The following CELA1 variants were observed in gnomAD, a reference collection of about 807,000 sequenced individuals.
The protein encoded by CELA1 is chymotrypsin-like elastase family member 1.
In CELA1, 28 loss-of-function variants were observed where a neutral mutation model predicts 34.8. The observed-to-expected ratio is 0.80, with a 90% CI of 0.60 to 1.10. The LOEUF (loss-of-function observed/expected upper bound fraction) is 1.10. CELA1 is among the 50% of genes least tolerant of loss of function. CELA1 has a pLI of 0.00. For missense variants in CELA1, 288 were observed against 327.5 expected (o/e 0.88, Z 0.93); for synonymous variants, 140 against 129.8 (o/e 1.08, Z -0.53).
rs1275167096 is a variant in CELA1, at chr12:51,346,603, ACTGGACC to A, written c.16+13_16+19del. 6.3e-7 allele frequency: 1 copy of A among 1,589,470 alleles called. No individual in the cohort carries two copies. The highest frequency in any genetic ancestry group is 1.1e-5 in the South Asian group (1 of 90,704). On this transcript the variant is annotated intron_variant, in intron 1 of 7. Transcript: ENST00000293636. ...CTTACCATAAAGGACCAGGGTTGCG[ACTGGACC>A]ATATCCACTTACCATAAAGGACCAG... is the stretch of plus-strand genomic sequence containing the variant.
At chr12:51,341,110 G>A in intron 5 of CELA1, 134 bp downstream of exon 5, 3 of 833,412 alleles carry the variant, frequency 3.6e-6, no homozygotes, top group Non-Finnish European at 3.9e-6. Flanking sequence ...TAATGCATCA[G>A]TTATTGTATC....
At chr12:51,330,919 A>G (rs1946465457) in intron 6 of CELA1, among the ~76,000 whole-genome samples, 3 of 150,500 alleles carry the variant, frequency 2.0e-5, no homozygotes, top group South Asian at 4.2e-4. Context: ...GCAGTGAGCC[A>G]AGATGGCGCC....
chr12:51,345,049 C>G (rs1195468956), intron 2 of CELA1, among the ~76,000 whole-genome samples: 1 of 151,958 alleles, frequency 6.6e-6, no homozygotes, highest in Non-Finnish European at 1.5e-5. Flanking sequence ...TGCTTGAACC[C>G]AGGAGGCAGA....
In CELA1 at chr12:51,342,850, G is replaced by T. The variant is rs374949830; in HGVS notation, c.201-150C>A. On this transcript the variant is annotated intron_variant, in intron 3 of 7. Transcript: ENST00000293636. ...TTTAGAGATGGGGTTTTGCTGTGTT[G>T]CCCAGGCTGGCTTCAAACTCCCAGG... The T allele has an allele frequency of 8.1e-5, 68 of 834,752 alleles. No individual in the cohort carries two copies. The African/African-American group carries it at 1.2e-3, about 14-fold the overall frequency. 51.7% of individuals were successfully genotyped at this position (834,752 alleles called of 1,614,324 possible).
At chr12:51,342,753 AC>A in intron 3 of CELA1, 53 bp from the exon 4 acceptor site, 1 of 1,568,286 alleles carries the variant, frequency 6.4e-7, no homozygotes, top group Non-Finnish European at 8.6e-7. Context: ...AACCTTCTCT[AC>A]CCCACTTAGA....
intron 2 of CELA1, among the ~76,000 whole-genome samples, chr12:51,345,039 T>A (rs907395344): frequency 6.6e-6 from 1 of 151,960 alleles, no homozygotes; most frequent in Admixed American, 6.6e-5. Context: ...GCAGGAGAAC[T>A]GCTTGAACCC....
At chr12:51,341,638 A>T (rs756443640) in intron 4 of CELA1, among the ~76,000 whole-genome samples, 3 of 152,172 alleles carry the variant, frequency 2.0e-5, no homozygotes, top group Non-Finnish European at 4.4e-5. Context: ...CCCGGGAAGT[A>T]GAGAATGGGG....
chr12:51,339,549 C>T (rs528260489), intron 6 of CELA1, among the ~76,000 whole-genome samples: 2 of 151,678 alleles, frequency 1.3e-5, no homozygotes, highest in South Asian at 2.1e-4. Flanking sequence ...AAAACTCCAT[C>T]TCAAAAAAAA....
intron 1 of CELA1, 25 bp from the exon 2 acceptor site, chr12:51,345,902 G>A: frequency 6.5e-7 from 1 of 1,529,042 alleles, no homozygotes; most frequent in Non-Finnish European, 8.9e-7. Context: ...AGAAAAGTGA[G>A]TGATGACTAA....
intron 6 of CELA1, among the ~76,000 whole-genome samples, chr12:51,335,462 G>T (rs1946494992): frequency 6.6e-6 from 1 of 151,920 alleles, no homozygotes. Context: ...CACCATGCTG[G>T]CCAGGCTGGT....
intron 6 of CELA1, among the ~76,000 whole-genome samples, chr12:51,338,275 CACACACACACACAT>C (rs1397498132): frequency 5.7e-4 from 27 of 47,600 alleles, no homozygotes; most frequent in South Asian, 5.6e-3. Context: ...CACACACACA[CACACACACACACAT>C]ACACATACGC....
intron 3 of CELA1, among the ~76,000 whole-genome samples, chr12:51,343,132 G>C (rs943502187): frequency 6.6e-6 from 1 of 152,108 alleles, no homozygotes; most frequent in Non-Finnish European, 1.5e-5. Flanking sequence ...CTTGTAAACT[G>C]GGAGAGGTGT....
Position 51,340,388 on chromosome 12 carries a change from C to CTT in CELA1, c.464-385_464-384dup, listed in dbSNP as rs11315182. Among the ~76,000 whole-genome samples, 1,183 of 121,510 alleles carry CTT rather than the reference C, an allele frequency of 9.7e-3. 49 individuals are homozygous for CTT. In the East Asian group the frequency reaches 0.13, roughly 13 times the overall value. 79.7% of individuals were successfully genotyped at this position (121,510 alleles called of 152,430 possible). On this transcript the variant is annotated intron_variant, in intron 5 of 7. Coordinates refer to ENST00000293636, the MANE Select transcript of CELA1 (RefSeq NM_001971.6). Reference sequence around the variant, plus strand: ...CATGCTTGTTTCCATTTCTTTCTTTCTTTTTTTTTTTTTTTTTTGAGATGG... The same window carrying CTT: ...CATGCTTGTTTCCATTTCTTTCTTTCTTTTTTTTTTTTTTTTTTTTGAGATGG...
At position 51,341,346 on chromosome 12, in the gene CELA1, C is replaced by T. The variant is rs144017372; in HGVS notation, c.361G>A (p.Val121Ile). The T allele has an allele frequency of 2.4e-5, 38 of 1,614,054 alleles. No individual in the cohort carries two copies. Among genetic ancestry groups the T allele is most frequent in the South Asian group, 1.2e-4 (11 of 91,084 alleles). The change falls in exon 5 of 8, where the codon GTT (valine) becomes ATT (isoleucine). Residue 121 changes from valine (V) to isoleucine (I), a missense_variant. Physicochemically the swap from Val to Ile is conservative, Grantham distance 29. Coordinates refer to ENST00000293636, the MANE Select transcript of CELA1 (RefSeq NM_001971.6). Reference sequence around the variant, plus strand: ...AGCTGGACATAGCTATTGAGGGTAACGCTCTGGGCCAGGCGCAGCAGGGCG... The same window carrying T: ...AGCTGGACATAGCTATTGAGGGTAATGCTCTGGGCCAGGCGCAGCAGGGCG... ...DIALLRLAQS[V>I]TLNSYVQLGV...
At chr12:51,338,298 G>A (rs56081886) in intron 6 of CELA1, among the ~76,000 whole-genome samples, 4,347 of 30,074 alleles carry the variant, frequency 0.14, 114 homozygotes, top group East Asian at 0.41. Context: ...ATACACATAC[G>A]CATACATATA....
intron 6 of CELA1, among the ~76,000 whole-genome samples, chr12:51,335,404 G>A (rs895579184): frequency 3.9e-5 from 6 of 151,912 alleles, no homozygotes; most frequent in Non-Finnish European, 7.4e-5. Flanking sequence ...TTACAGGCAC[G>A]CGCCACCATG....
At chr12:51,341,535 GCAATTA>G (rs2137482334) in intron 4 of CELA1, among the ~76,000 whole-genome samples, 155 bp from the exon 5 acceptor site, 1 of 152,320 alleles carries the variant, frequency 6.6e-6, no homozygotes, top group South Asian at 2.1e-4. Flanking sequence ...TCAAACTAGA[GCAATTA>G]CAATTTAACA....
chr12:51,343,712 C>T, intron 3 of CELA1, 41 bp downstream of exon 3: 1 of 1,250,860 alleles, frequency 8.0e-7, no homozygotes, highest in Non-Finnish European at 1.2e-6. Context: ...AGCCCCTTCC[C>T]CTTCCAGGGG....
At chr12:51,343,971 G>T in intron 2 of CELA1, 118 bp from the exon 3 acceptor site, 1 of 660,988 alleles carries the variant, frequency 1.5e-6, no homozygotes, top group Non-Finnish European at 2.8e-6. Context: ...GAGGCAGGAG[G>T]ATCAGTTGAG....
Sources: allele counts gnomAD v4.1 joint callset (sites outside exome capture counted in the v4.1 genomes callset), GRCh38; gene constraint gnomAD v4.1.1; transcripts MANE v1.5; gene names NCBI Gene and HGNC (gene_info 2026-07-23, HGNC 2026-07-21).